The following CWH43 variants were observed in gnomAD, a reference collection of about 807,000 sequenced individuals.
The protein encoded by CWH43 is PGAP2-interacting protein.
A neutral mutation model predicts 85.7 loss-of-function variants in CWH43; 91 were observed. The ratio of observed to expected loss-of-function variants is 1.06; its 90% confidence interval spans 0.90 to 1.26. The LOEUF (loss-of-function observed/expected upper bound fraction) is 1.26, where lower values mean the gene tolerates loss of function less well. Ranked by LOEUF, CWH43 falls within the 50% of genes most tolerant of loss-of-function variation. The pLI is 0.00. For synonymous variants in CWH43, 323 were observed against 293.6 expected (o/e 1.10, Z -1.02); for missense variants, 869 against 839.2 (o/e 1.04, Z -0.44).
intron 6 of CWH43, among the ~76,000 whole-genome samples, chr4:49,002,711 C>A (rs1783028291): frequency 6.6e-6 from 1 of 152,148 alleles, no homozygotes; most frequent in South Asian, 2.1e-4. Context: ...ACCTTGGAAT[C>A]TAGTTCTCAT....
chr4:49,008,422 G>A (rs1342820026), intron 8 of CWH43, among the ~76,000 whole-genome samples: 2 of 151,480 alleles, frequency 1.3e-5, no homozygotes, highest in Admixed American at 1.3e-4. Context: ...CCATTCTGTA[G>A]GTTTCCTGTT....
intron 9 of CWH43, among the ~76,000 whole-genome samples, chr4:49,024,038 A>T (rs1412044611): frequency 6.6e-6 from 1 of 152,158 alleles, no homozygotes; most frequent in Admixed American, 6.5e-5. Context: ...TGTTAGGTGC[A>T]TATATATTTA....
At position 48,992,962 on chromosome 4, in the gene CWH43, C is replaced by G. The variant is rs1304299209; in HGVS notation, c.511+872C>G. ...CTTAGAACTCTGTCTGGTCCCCTAA[C>G]TTATGTTTTACATTCATATCTAGAG... is the stretch of plus-strand genomic sequence containing the variant. On this transcript the variant is annotated intron_variant, in intron 4 of 15. Transcript: ENST00000226432. This position sits in a 1 kb window ranked among gnomAD's most constrained non-coding sequence, Gnocchi z 4.3. 1.3e-5 allele frequency among the ~76,000 whole-genome samples: 2 copies of G among 152,192 alleles called. No individual in the cohort carries two copies. Among genetic ancestry groups the G allele is most frequent in the Non-Finnish European group, 2.9e-5 (2 of 68,042 alleles).
chr4:48,990,265 A>G (rs1782619957), intron 2 of CWH43, among the ~76,000 whole-genome samples: 1 of 152,196 alleles, frequency 6.6e-6, no homozygotes, highest in Non-Finnish European at 1.5e-5. Context: ...AAGTAGATTT[A>G]TATTTGGAAA....
At chr4:49,042,092 T>C (rs536334087) in intron 13 of CWH43, among the ~76,000 whole-genome samples, 1 of 152,342 alleles carries the variant, frequency 6.6e-6, no homozygotes, top group Non-Finnish European at 1.5e-5. Flanking sequence ...CTCATGAATC[T>C]GGACTTCAGA....
chr4:48,993,599 G>A (rs4695416), intron 4 of CWH43, among the ~76,000 whole-genome samples: 88,235 of 152,102 alleles, frequency 0.58, 29,041 homozygotes, highest in Middle Eastern at 0.75. Flanking sequence ...ATCTTCTCCA[G>A]TTGTTACAGT....
intron 9 of CWH43, among the ~76,000 whole-genome samples, chr4:49,023,502 G>A (rs186047577): frequency 1.3e-5 from 2 of 152,250 alleles, no homozygotes; most frequent in Non-Finnish European, 2.9e-5. Context: ...ACCCTCCCAA[G>A]TAGCTGGGAT....
intron 6 of CWH43, among the ~76,000 whole-genome samples, chr4:49,000,910 C>T (rs1782969285): frequency 6.6e-6 from 1 of 152,162 alleles, no homozygotes; most frequent in African/African-American, 2.4e-5. Context: ...CATAATTCAC[C>T]AGCTTCATCT....
chr4:49,045,506 T>G (rs1024346332), intron 14 of CWH43, among the ~76,000 whole-genome samples: 6 of 152,192 alleles, frequency 3.9e-5, no homozygotes, highest in Non-Finnish European at 7.3e-5. Context: ...ATTGTACCTT[T>G]TCTATGTTTA....
intron 14 of CWH43, among the ~76,000 whole-genome samples, chr4:49,048,717 C>A (rs904051908): frequency 1.3e-5 from 2 of 152,096 alleles, no homozygotes; most frequent in African/African-American, 4.8e-5. Flanking sequence ...CCCCCCTGCA[C>A]TTATGACCTC....
intron 13 of CWH43, among the ~76,000 whole-genome samples, chr4:49,043,751 AT>A (rs1051883475): frequency 2.6e-5 from 4 of 152,112 alleles, no homozygotes; most frequent in Non-Finnish European, 5.9e-5. Flanking sequence ...TTATTTATCT[AT>A]TTAATTATTC....
At chr4:49,005,752 G>C (rs1335715866) in intron 7 of CWH43, among the ~76,000 whole-genome samples, 1 of 151,804 alleles carries the variant, frequency 6.6e-6, no homozygotes, top group Non-Finnish European at 1.5e-5. Flanking sequence ...TGTTGCCCAG[G>C]CTGGCGTCGA....
In CWH43 at chr4:48,994,601, T is replaced by C; in HGVS notation, c.512-18T>C. The C allele has an allele frequency of 1.3e-6, 2 of 1,597,746 alleles. No homozygotes were observed. Among genetic ancestry groups the C allele is most frequent in the East Asian group, 2.2e-5 (1 of 44,824 alleles). On this transcript the variant is annotated intron_variant, in intron 4 of 15. Coordinates refer to ENST00000226432, the MANE Select transcript of CWH43 (RefSeq NM_025087.3). ...CATATAACTAAACTTTTTCCATATA[T>C]GTATTTTTAAATTCTAGATGGTGAC...
At chr4:49,037,001 G>A (rs1264140824) in intron 12 of CWH43, among the ~76,000 whole-genome samples, 1 of 152,096 alleles carries the variant, frequency 6.6e-6, no homozygotes, top group East Asian at 1.9e-4. Flanking sequence ...GTTTCTTATT[G>A]TTATTAATCT....
At chr4:48,996,309 A>G (rs1261653572) in intron 5 of CWH43, among the ~76,000 whole-genome samples, 1 of 106,168 alleles carries the variant, frequency 9.4e-6, no homozygotes, top group Non-Finnish European at 2.4e-5. Context: ...ACACACACAC[A>G]CACACACACA....
chr4:48,996,258 C>A (rs1782809084), intron 5 of CWH43, among the ~76,000 whole-genome samples: 1 of 151,918 alleles, frequency 6.6e-6, no homozygotes, highest in African/African-American at 2.4e-5. Context: ...TACTATAATA[C>A]TTTGAGTCAA....
chr4:48,987,835 G>A (rs1055676600), intron 1 of CWH43, among the ~76,000 whole-genome samples: 1 of 152,174 alleles, frequency 6.6e-6, no homozygotes, highest in African/African-American at 2.4e-5. Context: ...AACGACTGCT[G>A]CCTCACTCAA....
chr4:49,015,800 T>C (rs1169271087), intron 8 of CWH43, among the ~76,000 whole-genome samples: 1 of 152,176 alleles, frequency 6.6e-6, no homozygotes, highest in African/African-American at 2.4e-5. Flanking sequence ...TGTCTTTGAG[T>C]TTCTAATTTC....
At position 49,055,725 on chromosome 4, in the gene CWH43, G is replaced by T. The variant is rs573591331; in HGVS notation, c.2021+4876G>T. 3.9e-4 allele frequency among the ~76,000 whole-genome samples: 59 copies of T among 151,870 alleles called. 1 individual carries two copies. The South Asian group carries it at 0.012, about 30-fold the overall frequency. On this transcript the variant is annotated intron_variant, in intron 15 of 15. Transcript: ENST00000226432. ...CTGCCTCAGCCTCCTGAGTAGCTGCGATTATAGGCGCCTACCACCACACCC... is the reference window on the plus strand; with the variant it reads ...CTGCCTCAGCCTCCTGAGTAGCTGCTATTATAGGCGCCTACCACCACACCC...
Sources: gnomAD v4.1 joint callset for allele counts (sites outside exome capture counted in the v4.1 genomes callset) on GRCh38, gnomAD v4.1.1 for gene constraint, Gnocchi (gnomAD v3.1) non-coding constraint, MANE v1.5 for transcripts, NCBI Gene and HGNC (gene_info 2026-07-23, HGNC 2026-07-21) for gene names.